The following MAGI2 variants were observed in gnomAD, a reference collection of about 807,000 sequenced individuals.
MAGI2 encodes membrane-associated guanylate kinase, WW and PDZ domain-containing protein 2.
Under a neutral mutation model 133.3 loss-of-function variants are expected in MAGI2, and 35 were observed. That is an observed-to-expected ratio of 0.26 (90% CI 0.20 to 0.35). MAGI2 has a LOEUF of 0.35. MAGI2 is among the 10% of genes least tolerant of loss of function. The probability of loss-of-function intolerance (pLI) is 1.00; values close to 1 mark genes in which losing one functional copy is unlikely to be tolerated. For missense variants in MAGI2, 1,636 were observed against 1,863.4 expected (o/e 0.88, Z 2.25); for synonymous variants, 729 against 710.6 (o/e 1.03, Z -0.41).
At chr7:79,342,936 T>C (rs1420117848) in intron 1 of MAGI2, among the ~76,000 whole-genome samples, 1 of 151,756 alleles carries the variant, frequency 6.6e-6, no homozygotes, top group Non-Finnish European at 1.5e-5. Flanking sequence ...TTTTTTTGTA[T>C]TGTTTTTAGT....
chr7:78,587,003 C>A (rs185064803), intron 3 of MAGI2, among the ~76,000 whole-genome samples: 207 of 152,194 alleles, frequency 1.4e-3, no homozygotes, highest in African/African-American at 4.8e-3. Context: ...TTGCTTCCAC[C>A]TTTTGGCTAT....
chr7:79,263,296 A>T (rs1368058791), intron 1 of MAGI2, among the ~76,000 whole-genome samples: 1 of 152,122 alleles, frequency 6.6e-6, no homozygotes, highest in Non-Finnish European at 1.5e-5. Context: ...CCCTCACAAG[A>T]GCCCTCTGAG....
intron 6 of MAGI2, among the ~76,000 whole-genome samples, chr7:78,403,568 T>C (rs1436141236): frequency 6.6e-6 from 1 of 152,182 alleles, no homozygotes; most frequent in African/African-American, 2.4e-5. Context: ...CCTTGAGGAA[T>C]TGCCACACTG....
chr7:78,864,580 C>T (rs1166253926), intron 2 of MAGI2, among the ~76,000 whole-genome samples: 7 of 152,110 alleles, frequency 4.6e-5, no homozygotes, highest in Admixed American at 2.6e-4. Context: ...GAGTACTGTT[C>T]CTTGTCTGCA....
intron 2 of MAGI2, among the ~76,000 whole-genome samples, chr7:78,951,852 C>G (rs184423810): frequency 6.6e-6 from 1 of 152,238 alleles, no homozygotes; most frequent in Non-Finnish European, 1.5e-5. Flanking sequence ...TAATCTATTA[C>G]TTCCTTTCTG....
At chr7:78,911,760 C>A (rs993333796) in intron 2 of MAGI2, among the ~76,000 whole-genome samples, 2 of 151,944 alleles carry the variant, frequency 1.3e-5, no homozygotes, top group African/African-American at 4.8e-5. Flanking sequence ...TAGGTAAACT[C>A]ATTTCATGGG....
At chr7:78,975,384 C>T (rs1386213341) in intron 2 of MAGI2, among the ~76,000 whole-genome samples, 3 of 151,274 alleles carry the variant, frequency 2.0e-5, no homozygotes, top group Admixed American at 2.0e-4. Flanking sequence ...TTGAAAAATC[C>T]CCTAGTATTT....
intron 1 of MAGI2, among the ~76,000 whole-genome samples, chr7:79,188,269 A>C (rs1248628107): frequency 1.3e-5 from 2 of 151,576 alleles, no homozygotes; most frequent in Middle Eastern, 6.8e-3. Flanking sequence ...TGCTCTCCCT[A>C]CCCTTTCCAC....
intron 1 of MAGI2, among the ~76,000 whole-genome samples, chr7:79,150,751 C>A (rs545662906): frequency 6.6e-6 from 1 of 151,768 alleles, no homozygotes; most frequent in Middle Eastern, 3.4e-3. Context: ...GGATGTCAAG[C>A]TTGAAATAAA....
chr7:78,723,587 A>G (rs979218430), intron 2 of MAGI2, among the ~76,000 whole-genome samples: 1 of 152,196 alleles, frequency 6.6e-6, no homozygotes, highest in Non-Finnish European at 1.5e-5. Context: ...GGCAATTAAG[A>G]AGAGGAAAGA....
intron 2 of MAGI2, among the ~76,000 whole-genome samples, chr7:78,803,832 G>A (rs932993304): frequency 3.9e-5 from 6 of 152,136 alleles, no homozygotes; most frequent in Non-Finnish European, 8.8e-5. Flanking sequence ...TATTCTTCAA[G>A]TTTGTCATCG....
At chr7:78,592,391 T>G (rs181563241) in intron 3 of MAGI2, among the ~76,000 whole-genome samples, 1 of 151,750 alleles carries the variant, frequency 6.6e-6, no homozygotes, top group Non-Finnish European at 1.5e-5. Context: ...GCAAGCTCTG[T>G]AGGCCATTCA....
At chr7:79,273,060 T>C (rs984284593) in intron 1 of MAGI2, among the ~76,000 whole-genome samples, 5 of 152,114 alleles carry the variant, frequency 3.3e-5, no homozygotes, top group African/African-American at 9.7e-5. Flanking sequence ...GGTTTTACCA[T>C]GATACTTGGC....
At position 78,501,484 on chromosome 7, in the gene MAGI2, CTTTTTTT is replaced by C. The variant is rs554529806; in HGVS notation, c.965+86_965+92del. 5.5e-5 allele frequency: 46 copies of C among 835,116 alleles called. 3 individuals carry two copies. In the South Asian group the frequency reaches 8.6e-4, roughly 16 times the overall value. 51.7% of individuals were successfully genotyped at this position (835,116 alleles called of 1,614,324 possible). On this transcript the variant is annotated intron_variant, in intron 5 of 21. Transcript: ENST00000354212. ...TGTTACCAGAATTTCATGTTTTTTTCTTTTTTTTTTTTTTTCCACGTCTAACTTGCTA... is the reference window on the plus strand; with the variant it reads ...TGTTACCAGAATTTCATGTTTTTTTCTTTTTTTTCCACGTCTAACTTGCTA...
intron 2 of MAGI2, among the ~76,000 whole-genome samples, chr7:78,727,407 C>T (rs191963092): frequency 5.3e-5 from 8 of 152,228 alleles, no homozygotes; most frequent in African/African-American, 1.7e-4. Context: ...ACTCTAAGTG[C>T]CCATAGAAAT....
intron 1 of MAGI2, among the ~76,000 whole-genome samples, chr7:79,049,741 C>T (rs1408567386): frequency 6.6e-6 from 1 of 151,414 alleles, no homozygotes; most frequent in East Asian, 1.9e-4. Context: ...ATACTAAATA[C>T]ACATATTTTG....
chr7:79,068,054 G>C (rs1814552395), intron 1 of MAGI2, among the ~76,000 whole-genome samples: 1 of 152,116 alleles, frequency 6.6e-6, no homozygotes, highest in Non-Finnish European at 1.5e-5. Context: ...AGGGATATTG[G>C]CCTGAAATTT....
chr7:78,529,667 G>GTTTTTTTTTTTTTTTTTTT (rs1563128653), intron 3 of MAGI2, among the ~76,000 whole-genome samples: 1 of 56,320 alleles, frequency 1.8e-5, no homozygotes, highest in African/African-American at 6.5e-5. Flanking sequence ...TAAAGGAGAT[G>GTTTTTTTTTTTTTTTTTTT]GTTTTTTTTT....
At chr7:78,222,453 C>T (rs1290303325) in intron 10 of MAGI2, among the ~76,000 whole-genome samples, 1 of 152,208 alleles carries the variant, frequency 6.6e-6, no homozygotes, top group Non-Finnish European at 1.5e-5. Context: ...CTCACAACAA[C>T]CACGTGAAGT....
Sources: allele counts gnomAD v4.1 joint callset (sites outside exome capture counted in the v4.1 genomes callset), GRCh38; gene constraint gnomAD v4.1.1; transcripts MANE v1.5; gene names NCBI Gene and HGNC (gene_info 2026-07-23, HGNC 2026-07-21).